Variants in PSMD7 observed in about 807,000 individuals in gnomAD.
PSMD7 encodes the protein 26S proteasome non-ATPase regulatory subunit 7.
A neutral mutation model predicts 36.4 loss-of-function variants in PSMD7; 13 were observed. That is an observed-to-expected ratio of 0.36 (90% CI 0.23 to 0.57). The LOEUF is 0.57. Among genes scored for constraint, PSMD7 ranks in the 20% least tolerant of loss-of-function variants. PSMD7 has a pLI of 0.83. For missense variants in PSMD7, 298 were observed against 393.6 expected (o/e 0.76, Z 2.06); for synonymous variants, 186 against 151.0 (o/e 1.23, Z -1.70).
At chr16:74,300,080 G>T in intron 1 of PSMD7, 35 bp from the exon 2 acceptor site, 1 of 1,557,196 alleles carries the variant, frequency 6.4e-7, no homozygotes, top group South Asian at 1.1e-5. Flanking sequence ...TTCTGTGCGA[G>T]CCTATCCACA....
At chr16:74,300,040 C>A in intron 1 of PSMD7, 75 bp from the exon 2 acceptor site, 1 of 1,263,062 alleles carries the variant, frequency 7.9e-7, no homozygotes, top group Non-Finnish European at 1.2e-6. Context: ...TTGATATTTC[C>A]CATTGAGTAT....
intron 2 of PSMD7, among the ~76,000 whole-genome samples, chr16:74,300,694 CACT>C (rs1367045824): frequency 6.6e-6 from 1 of 152,176 alleles, no homozygotes; most frequent in East Asian, 1.9e-4. Flanking sequence ...GAGTAGAGAT[CACT>C]AACTCTAGTG....
chr16:74,301,717 A>T (rs2034156770), intron 4 of PSMD7, 65 bp downstream of exon 4: 1 of 1,341,372 alleles, frequency 7.5e-7, no homozygotes, highest in South Asian at 1.2e-5. Context: ...AAGTAAGAGC[A>T]TCCTGGGAAG....
rs1397143698 is a variant in PSMD7, at chr16:74,306,009, T to C, written c.*276T>C. On this transcript the variant is annotated 3_prime_UTR_variant, in exon 7 of 7. Transcript: ENST00000219313. ...AAAAATGAAGAGAAGTCAACAAATA[T>C]TTTGGTACTCTTCATTCATTTATCT... 7.2e-6 allele frequency: 2 copies of C among 279,480 alleles called. No homozygotes were observed. Among genetic ancestry groups the C allele is most frequent in the East Asian group, 1.1e-4 (2 of 17,430 alleles). 17.3% of individuals were successfully genotyped at this position (279,480 alleles called of 1,614,324 possible).
intron 6 of PSMD7, 146 bp from the exon 7 acceptor site, chr16:74,305,143 C>G (rs896238072): frequency 9.5e-7 from 1 of 1,057,674 alleles, no homozygotes; most frequent in African/African-American, 1.6e-5. Context: ...ATAACGAAAT[C>G]TTTATCAAAT....
chr16:74,300,125 G>C lies in PSMD7; in HGVS notation c.85G>C (p.Val29Leu). The C allele has an allele frequency of 6.2e-7, 1 of 1,614,174 alleles. No homozygotes were observed. Among genetic ancestry groups the C allele is most frequent in the Non-Finnish European group, 8.5e-7 (1 of 1,180,028 alleles). The stretch of plus-strand genomic sequence containing the variant: ...TGTTTTCTCATTCAGAATCGGCAAG[G>C]TTGGAAACCAGAAGCGTGTTGTTGG... Reference protein sequence around the residue: ...VVDHFNRIGKVGNQKRVVGVL... With the variant: ...VVDHFNRIGKLGNQKRVVGVL... The change falls in exon 2 of 7, where the codon GTT (valine) becomes CTT (leucine). Residue 29 changes from valine to leucine, a missense_variant. Val to Leu is a conservative substitution (Grantham distance 32, BLOSUM62 1). Transcript: ENST00000219313.
chr16:74,298,913 G>C (rs1250397728), intron 1 of PSMD7, among the ~76,000 whole-genome samples: 1 of 152,102 alleles, frequency 6.6e-6, no homozygotes, highest in African/African-American at 2.4e-5. Context: ...TCAAGTAAGT[G>C]TAGGGTTTTA....
intron 2 of PSMD7, 188 bp downstream of exon 2, chr16:74,300,394 G>GT: frequency 1.6e-6 from 1 of 608,250 alleles, no homozygotes; most frequent in Non-Finnish European, 2.9e-6. Flanking sequence ...TGCAGGCCAT[G>GT]TGGTCTCCAC....
intron 5 of PSMD7, 89 bp downstream of exon 5, chr16:74,302,381 C>T (rs1485996515): frequency 1.9e-6 from 2 of 1,055,494 alleles, no homozygotes; most frequent in Admixed American, 2.3e-5. Context: ...TCAACAAATC[C>T]TTTGTCTCCG....
chr16:74,300,923 ATTT>A, intron 2 of PSMD7, 126 bp from the exon 3 acceptor site: 1 of 489,844 alleles, frequency 2.0e-6, no homozygotes, highest in Non-Finnish European at 3.6e-6. Context: ...CTCAAAAAAA[ATTT>A]TTTAATACTT....
At chr16:74,301,515 C>G in intron 3 of PSMD7, 40 bp from the exon 4 acceptor site, 2 of 1,438,688 alleles carry the variant, frequency 1.4e-6, no homozygotes, top group Non-Finnish European at 2.0e-6. Flanking sequence ...TATAGATCTT[C>G]ATGAAATAGT....
In PSMD7 at chr16:74,297,004, A is replaced by G; in HGVS notation, c.74+16A>G. On this transcript the variant is annotated intron_variant, in intron 1 of 6. Coordinates refer to ENST00000219313, the MANE Select transcript of PSMD7 (RefSeq NM_002811.5). The stretch of plus-strand genomic sequence containing the variant: ...ATTTCAACCGGTGAGCGAGCGCCCT[A>G]TAGCTGGGCCGGCGGCGCAGCCGCT... 6.2e-7 allele frequency: 1 copy of G among 1,608,432 alleles called. No individual in the cohort carries two copies. Among genetic ancestry groups the G allele is most frequent in the South Asian group, 1.1e-5 (1 of 89,946 alleles).
chr16:74,302,086 C>A, intron 4 of PSMD7, 126 bp from the exon 5 acceptor site: 1 of 780,804 alleles, frequency 1.3e-6, no homozygotes, highest in Non-Finnish European at 2.1e-6. Flanking sequence ...TGCATTTTTG[C>A]TGAATATTCT....
At chr16:74,301,739 C>A in intron 4 of PSMD7, 87 bp downstream of exon 4, 1 of 1,043,778 alleles carries the variant, frequency 9.6e-7, no homozygotes, top group Non-Finnish European at 1.5e-6. Flanking sequence ...ATTTGAGTAG[C>A]AAATCTGCTT....
At chr16:74,302,509 G>A (rs1334518514) in intron 5 of PSMD7, among the ~76,000 whole-genome samples, 1 of 152,164 alleles carries the variant, frequency 6.6e-6, no homozygotes, top group Non-Finnish European at 1.5e-5. Flanking sequence ...AGTGCTTTGA[G>A]AGGCCGAGGT....
intron 4 of PSMD7, 61 bp downstream of exon 4, chr16:74,301,713 G>A: frequency 1.5e-6 from 2 of 1,369,228 alleles, no homozygotes; most frequent in South Asian, 2.4e-5. Context: ...GCTCAAGTAA[G>A]AGCATCCTGG....
chr16:74,303,995 G>A (rs888686823), intron 5 of PSMD7: 13 of 223,194 alleles, frequency 5.8e-5, no homozygotes, highest in Admixed American at 1.6e-4. Context: ...TGGCCAAAGC[G>A]GTATACTTTT....
At chr16:74,305,091 A>G (rs1175722866) in intron 6 of PSMD7, 198 bp from the exon 7 acceptor site, 2 of 690,066 alleles carry the variant, frequency 2.9e-6, no homozygotes, top group Admixed American at 7.1e-5. Context: ...GTGATGAGAA[A>G]GATAAAATGT....
chr16:74,303,098 T>C (rs1490972226), intron 5 of PSMD7, among the ~76,000 whole-genome samples: 1 of 152,172 alleles, frequency 6.6e-6, no homozygotes, highest in African/African-American at 2.4e-5. Context: ...CAAGGTGTTT[T>C]TAGTAGGGGA....
Sources: gnomAD v4.1 joint callset for allele counts (sites outside exome capture counted in the v4.1 genomes callset) on GRCh38, gnomAD v4.1.1 for gene constraint, MANE v1.5 for transcripts, NCBI Gene and HGNC (gene_info 2026-07-23, HGNC 2026-07-21) for gene names.